SLCO3A1: variants seen among roughly 807,000 people sequenced by gnomAD.
SLCO3A1 encodes PGE1 transporter.
Under a neutral mutation model 63.1 loss-of-function variants are expected in SLCO3A1, and 27 were observed. The ratio of observed to expected loss-of-function variants is 0.43; its 90% CI spans 0.32 to 0.59. The LOEUF (loss-of-function observed/expected upper bound fraction) is 0.59, where lower values mean the gene tolerates loss of function less well. SLCO3A1 is among the 20% of genes least tolerant of loss of function. The probability of loss-of-function intolerance (pLI) is 0.09; values close to 1 mark genes in which losing one functional copy is unlikely to be tolerated. For missense variants in SLCO3A1, 773 were observed against 945.8 expected (o/e 0.82, Z 2.40); for synonymous variants, 473 against 409.9 (o/e 1.15, Z -1.86).
intron 2 of SLCO3A1, among the ~76,000 whole-genome samples, chr15:92,069,108 C>G (rs2047186577): frequency 7.6e-6 from 1 of 131,686 alleles, no homozygotes; most frequent in Admixed American, 7.6e-5. Context: ...CCCCCCCCCG[C>G]CACCCCCCAC....
intron 2 of SLCO3A1, among the ~76,000 whole-genome samples, chr15:92,028,323 C>T (rs2046601968): frequency 1.3e-5 from 2 of 152,170 alleles, no homozygotes; most frequent in African/African-American, 4.8e-5. Flanking sequence ...CGGGAAGCCA[C>T]AGCACCAAAA....
At chr15:92,036,096 G>A (rs545707580) in intron 2 of SLCO3A1, among the ~76,000 whole-genome samples, 1 of 152,186 alleles carries the variant, frequency 6.6e-6, no homozygotes, top group Non-Finnish European at 1.5e-5. Context: ...ACATCCCAAG[G>A]CCATGTTGAA....
At position 92,100,266 on chromosome 15, in the gene SLCO3A1, C is replaced by G. The variant is rs79510337; in HGVS notation, c.746-4013C>G. Among the ~76,000 whole-genome samples the G allele has an allele frequency of 2.6e-4, 39 of 152,208 alleles. No homozygotes were observed. In the East Asian group the frequency reaches 6.8e-3, roughly 26 times the overall value. ...CTGTCCCCTTTACCAGACTTCCCTC[C>G]GAATGAAATGGCATCTGTTCTCATC... On this transcript the variant is annotated intron_variant, in intron 3 of 9. Transcript: ENST00000318445.
At chr15:92,021,879 C>T (rs1052418952) in intron 2 of SLCO3A1, among the ~76,000 whole-genome samples, 1 of 152,104 alleles carries the variant, frequency 6.6e-6, no homozygotes, top group African/African-American at 2.4e-5. Context: ...TCAGAGCCTC[C>T]TGTGCCGTTC....
At chr15:92,097,042 T>A (rs1017403981) in intron 3 of SLCO3A1, among the ~76,000 whole-genome samples, 3 of 152,056 alleles carry the variant, frequency 2.0e-5, no homozygotes, top group Admixed American at 6.6e-5. Flanking sequence ...GCAGAGGGGA[T>A]AGAGAGGAGG....
At chr15:91,998,714 T>C (rs2046219728) in intron 2 of SLCO3A1, among the ~76,000 whole-genome samples, 1 of 152,248 alleles carries the variant, frequency 6.6e-6, no homozygotes, top group Admixed American at 6.5e-5. Context: ...GTTCAGCCAC[T>C]GTGGAAAGCA....
At chr15:92,100,087 A>G (rs1380989002) in intron 3 of SLCO3A1, among the ~76,000 whole-genome samples, 1 of 152,028 alleles carries the variant, frequency 6.6e-6, no homozygotes, top group Non-Finnish European at 1.5e-5. Context: ...ACAAAAAACA[A>G]AAAAACGGAA....
At chr15:92,127,524 G>T (rs2047939892) in intron 6 of SLCO3A1, among the ~76,000 whole-genome samples, 1 of 152,114 alleles carries the variant, frequency 6.6e-6, no homozygotes, top group African/African-American at 2.4e-5. Flanking sequence ...ACTTTGAATA[G>T]TGCATGACGC....
chr15:91,898,342 T>A (rs1898061810), intron 1 of SLCO3A1, among the ~76,000 whole-genome samples: 1 of 152,268 alleles, frequency 6.6e-6, no homozygotes, highest in Non-Finnish European at 1.5e-5. Context: ...TTACATTTGC[T>A]AATATTTCTA....
intron 2 of SLCO3A1, among the ~76,000 whole-genome samples, chr15:92,061,906 G>A (rs2047091096): frequency 6.6e-6 from 1 of 152,232 alleles, no homozygotes; most frequent in South Asian, 2.1e-4. Context: ...AAGGCTCTGG[G>A]TGATACAGGG....
intron 4 of SLCO3A1, among the ~76,000 whole-genome samples, chr15:92,105,188 C>G (rs918088503): frequency 1.3e-5 from 2 of 152,070 alleles, no homozygotes; most frequent in Non-Finnish European, 2.9e-5. Flanking sequence ...ATCGCTTGAT[C>G]CTGGGTTCAA....
At chr15:91,876,451 G>A (rs376036576) in intron 1 of SLCO3A1, among the ~76,000 whole-genome samples, 27 of 152,358 alleles carry the variant, frequency 1.8e-4, no homozygotes, top group Middle Eastern at 6.8e-3. Context: ...CGGTCTGGAT[G>A]TTACCACCCA....
intron 1 of SLCO3A1, among the ~76,000 whole-genome samples, chr15:91,873,391 C>G (rs1009115918): frequency 6.6e-6 from 1 of 152,006 alleles, no homozygotes; most frequent in Admixed American, 6.6e-5. Flanking sequence ...GGCAATTTTG[C>G]CCCACTTTTG....
At chr15:91,933,644 C>G (rs1481851379) in intron 2 of SLCO3A1, among the ~76,000 whole-genome samples, 3 of 152,224 alleles carry the variant, frequency 2.0e-5, no homozygotes, top group African/African-American at 4.8e-5. Context: ...ATGTGGCACT[C>G]TGTGCTACAC....
At position 91,862,876 on chromosome 15, in the gene SLCO3A1, A is replaced by G. The variant is rs1897081020; in HGVS notation, c.180+8788A>G. Among the ~76,000 whole-genome samples the G allele has an allele frequency of 6.6e-6, 1 of 152,146 alleles. No individual in the cohort carries two copies. The highest frequency in any genetic ancestry group is 1.5e-5 in the Non-Finnish European group (1 of 68,024). On this transcript the variant is annotated intron_variant, in intron 1 of 9. Coordinates refer to ENST00000318445, the MANE Select transcript of SLCO3A1 (RefSeq NM_013272.4). This position sits in a 1 kb window ranked among gnomAD's most constrained non-coding sequence, Gnocchi z 4.0. ...CTGTAAAATATTAATGGGAATGGCT[A>G]TTGTCTTTCACCCCCTTTGCAAGAG...
chr15:91,877,383 T>C (rs1897426155), intron 1 of SLCO3A1, among the ~76,000 whole-genome samples: 1 of 152,218 alleles, frequency 6.6e-6, no homozygotes, highest in Non-Finnish European at 1.5e-5. Context: ...GACCTATTTA[T>C]TGAGCTTCTG....
chr15:92,099,148 G>A lies in SLCO3A1; in HGVS notation c.745+4169G>A, dbSNP rs142275016. Among the ~76,000 whole-genome samples the A allele has an allele frequency of 2.2e-3, 341 of 152,344 alleles. 2 individuals carry two copies. The highest frequency in any genetic ancestry group is 8.0e-3 in the African/African-American group (332 of 41,584). On this transcript the variant is annotated intron_variant, in intron 3 of 9. Transcript: ENST00000318445. ...CACACACCAGCCGGCCTCGCAGAAG[G>A]CTGCATGGCGTTTGCAGCTGGAACA... is the stretch of plus-strand genomic sequence containing the variant.
chr15:91,953,647 G>A (rs11855935), intron 2 of SLCO3A1, among the ~76,000 whole-genome samples: 3,698 of 152,262 alleles, frequency 0.024, 159 homozygotes, highest in African/African-American at 0.084. Context: ...ACCCAGGAGT[G>A]GGGAAAGTGA....
chr15:92,139,127 C>T (rs199815428), intron 7 of SLCO3A1, among the ~76,000 whole-genome samples: 1 of 150,632 alleles, frequency 6.6e-6, no homozygotes, highest in Non-Finnish European at 1.5e-5. Flanking sequence ...ATAGATAGCT[C>T]TTATTATTTT....
Sources: gnomAD v4.1 joint callset for allele counts (sites outside exome capture counted in the v4.1 genomes callset) on GRCh38, gnomAD v4.1.1 for gene constraint, Gnocchi (gnomAD v3.1) non-coding constraint, MANE v1.5 for transcripts, NCBI Gene and HGNC (gene_info 2026-07-23, HGNC 2026-07-21) for gene names.